UPF2: variants seen among roughly 807,000 people sequenced by gnomAD.
UPF2 encodes the protein UPF2 regulator of nonsense mediated mRNA decay, also known as regulator of nonsense transcripts 2.
In UPF2, 17 loss-of-function variants were observed where a neutral mutation model predicts 141.4. The observed-to-expected ratio is 0.12, with a 90% CI of 0.08 to 0.18. UPF2 has a LOEUF of 0.18. Ranked by LOEUF, UPF2 falls within the 10% of genes least tolerant of loss-of-function variation. UPF2 has a pLI of 1.00. For missense variants in UPF2, 1,152 were observed against 1,515.9 expected (o/e 0.76, Z 3.99); for synonymous variants, 540 against 498.0 (o/e 1.08, Z -1.12).
rs562990049 is a variant in UPF2 at position 11,932,086 on chromosome 10, T to TTGCA, written c.3547-308_3547-305dup. Among the ~76,000 whole-genome samples, 58 of 151,696 alleles carry TTGCA rather than the reference T, an allele frequency of 3.8e-4. 1 individual carries two copies. Among genetic ancestry groups the TTGCA allele is most frequent in the African/African-American group, 1.3e-3 (55 of 41,370 alleles). ...ACTGCTTGAACCCAGGAAGCGGAGG[T>TTGCA]TGCAGTGAGCCGAGATTGTGCCACT... is the stretch of plus-strand genomic sequence containing the variant. On this transcript the variant is annotated intron_variant, in intron 19 of 21. Coordinates refer to ENST00000357604, the MANE Select transcript of UPF2 (RefSeq NM_015542.4).
At chr10:12,008,207 T>G (rs1480032338) in intron 4 of UPF2, among the ~76,000 whole-genome samples, 1 of 152,024 alleles carries the variant, frequency 6.6e-6, no homozygotes, top group African/African-American at 2.4e-5. Flanking sequence ...GGTGGGGGTA[T>G]AAAAGATTCA....
intron 20 of UPF2, among the ~76,000 whole-genome samples, chr10:11,930,281 G>A (rs1188851982): frequency 3.9e-5 from 6 of 152,198 alleles, no homozygotes; most frequent in African/African-American, 1.2e-4. Context: ...TAAGAGCATC[G>A]TGTGTAGAGC....
At position 11,955,507 on chromosome 10, in the gene UPF2, C is replaced by T; in HGVS notation, c.2575G>A (p.Val859Ile). The change falls in exon 14 of 22, where the codon GTT becomes ATT. Residue 859 changes from valine (V) to isoleucine (I), a missense_variant and splice_region_variant. Physicochemically the swap from Val to Ile is conservative, Grantham distance 29. Around this residue, in one of 4 missense-constraint regions of UPF2, gnomAD observed 739 missense variants for 1,032.2 expected, o/e 0.72. Coordinates refer to ENST00000357604, the MANE Select transcript of UPF2 (RefSeq NM_015542.4). Reference sequence around the variant, plus strand: ...CTCTGATTAAATTTAGGTTGATTAACCTAAAAGGCAACAAAACCACAGATT... The same window carrying T: ...CTCTGATTAAATTTAGGTTGATTAATCTAAAAGGCAACAAAACCACAGATT... The part of the protein sequence containing the change: ...VLEDIRLGME[V>I]NQPKFNQRRI... 1 of 1,601,398 alleles carries T rather than the reference C, an allele frequency of 6.2e-7. No individual in the cohort carries two copies. Among genetic ancestry groups the T allele is most frequent in the Non-Finnish European group, 8.5e-7 (1 of 1,174,018 alleles).
Position 11,959,467 on chromosome 10 carries a change from G to T in UPF2, c.2185-111C>A. ...CTATTTCAAAGTAATGGGTTAGAAA[G>T]GCAAAGAAAGGACTGGGCACTGTGG... is the stretch of plus-strand genomic sequence containing the variant. On this transcript the variant is annotated intron_variant, in intron 11 of 21. Transcript: ENST00000357604. This position sits in a 1 kb window ranked among gnomAD's most constrained non-coding sequence, Gnocchi z 5.9. 1 of 1,174,772 alleles carries T rather than the reference G, an allele frequency of 8.5e-7. No individual in the cohort carries two copies. The highest frequency in any genetic ancestry group is 1.2e-6 in the Non-Finnish European group (1 of 868,500). 72.8% of individuals were successfully genotyped at this position (1,174,772 alleles called of 1,614,324 possible).
At chr10:12,032,683 A>C (rs934144158) in intron 2 of UPF2, among the ~76,000 whole-genome samples, 95 of 151,114 alleles carry the variant, frequency 6.3e-4, no homozygotes, top group African/African-American at 2.2e-3. Flanking sequence ...GATCGCAGTG[A>C]GCCAAGACCA....
At chr10:11,970,723 A>G (rs892377583) in intron 9 of UPF2, among the ~76,000 whole-genome samples, 3 of 152,140 alleles carry the variant, frequency 2.0e-5, no homozygotes, top group African/African-American at 7.2e-5. Context: ...GAGGCACAAG[A>G]ATTGCTTCAA....
chr10:12,010,980 G>GA (rs935805324), intron 4 of UPF2, among the ~76,000 whole-genome samples: 3 of 151,388 alleles, frequency 2.0e-5, no homozygotes, highest in Non-Finnish European at 3.0e-5. Flanking sequence ...TTCTATGTCT[G>GA]AAAAAAAAAT....
At chr10:11,977,323 G>A (rs1833521065) in intron 9 of UPF2, among the ~76,000 whole-genome samples, 1 of 152,148 alleles carries the variant, frequency 6.6e-6, no homozygotes, top group Admixed American at 6.5e-5. Context: ...TATAGATCCT[G>A]GAGGAAGTAG....
intron 3 of UPF2, among the ~76,000 whole-genome samples, chr10:12,024,588 C>T (rs1834377792): frequency 6.6e-6 from 1 of 151,896 alleles, no homozygotes; most frequent in Non-Finnish European, 1.5e-5. Flanking sequence ...CCAGCCTGGG[C>T]AACACAGGGA....
At chr10:11,951,251 T>G (rs1833071147) in intron 15 of UPF2, among the ~76,000 whole-genome samples, 1 of 152,028 alleles carries the variant, frequency 6.6e-6, no homozygotes. Context: ...TTAGTAGAGA[T>G]GGGGTTTTGC....
At position 11,990,375 on chromosome 10, in the gene UPF2, A is replaced by G. The variant is rs145693682; in HGVS notation, c.1844+7297T>C. Among the ~76,000 whole-genome samples, 353 of 152,342 alleles carry G rather than the reference A, an allele frequency of 2.3e-3. 9 individuals carry two copies. Among genetic ancestry groups the G allele is most frequent in the Admixed American group, 0.021 (317 of 15,304 alleles). On this transcript the variant is annotated intron_variant, in intron 8 of 21. Transcript: ENST00000357604. The stretch of plus-strand genomic sequence containing the variant: ...ATGAGGAAATGCAATGCCCATGCAG[A>G]ACAGGGAAACGGCCCCCAAAGCAAC...
intron 9 of UPF2, among the ~76,000 whole-genome samples, chr10:11,974,925 T>C (rs1833481355): frequency 6.6e-6 from 1 of 152,152 alleles, no homozygotes; most frequent in Non-Finnish European, 1.5e-5. Context: ...TTTGTATGGT[T>C]TATAATGCAC....
chr10:12,037,248 G>A (rs1309422276), intron 1 of UPF2, among the ~76,000 whole-genome samples: 3 of 151,852 alleles, frequency 2.0e-5, no homozygotes, highest in African/African-American at 4.8e-5. Flanking sequence ...CCACATCCAG[G>A]TAATTGTATT....
intron 18 of UPF2, 33 bp downstream of exon 18, chr10:11,942,632 A>G: frequency 6.3e-7 from 1 of 1,589,888 alleles, no homozygotes; most frequent in Non-Finnish European, 8.6e-7. Flanking sequence ...TTTTGTATTG[A>G]GAAGAGTCTT....
intron 21 of UPF2, among the ~76,000 whole-genome samples, chr10:11,922,818 T>C (rs889828210): frequency 2.0e-5 from 3 of 151,998 alleles, no homozygotes; most frequent in African/African-American, 4.8e-5. Context: ...CTACTTAAGA[T>C]AGGTTTACAA....
intron 10 of UPF2, among the ~76,000 whole-genome samples, chr10:11,964,539 CCCT>C (rs1833289980): frequency 6.6e-6 from 1 of 151,710 alleles, no homozygotes; most frequent in African/African-American, 2.4e-5. Flanking sequence ...TTAGTATTTA[CCCT>C]CCTAATCATT....
intron 9 of UPF2, among the ~76,000 whole-genome samples, chr10:11,972,557 G>A (rs373007356): frequency 2.0e-5 from 3 of 152,146 alleles, no homozygotes; most frequent in East Asian, 1.9e-4. Flanking sequence ...GACAGGCCCC[G>A]GTGCGTGATG....
chr10:12,039,679 G>A (rs890887240), intron 1 of UPF2, among the ~76,000 whole-genome samples: 1 of 149,708 alleles, frequency 6.7e-6, no homozygotes, highest in African/African-American at 2.5e-5. Context: ...GGAGTGCAGT[G>A]GCACGATCTC....
At position 11,935,392 on chromosome 10, in the gene UPF2, A is replaced by G. The variant is rs1003162550; in HGVS notation, c.3546+1153T>C. Among the ~76,000 whole-genome samples the G allele has an allele frequency of 6.6e-6, 1 of 152,194 alleles. No homozygotes were observed. The highest frequency in any genetic ancestry group is 2.4e-5 in the African/African-American group (1 of 41,446). The stretch of plus-strand genomic sequence containing the variant: ...AAATACTTGTTAAATGACTGTGTAG[A>G]CGAATGTGGTATTGGACTTGTCTAA... On this transcript the variant is annotated intron_variant, in intron 19 of 21. Transcript: ENST00000357604. This position sits in a 1 kb window ranked among gnomAD's most constrained non-coding sequence, Gnocchi z 4.9.
Sources: allele counts gnomAD v4.1 joint callset (sites outside exome capture counted in the v4.1 genomes callset), GRCh38; gene constraint gnomAD v4.1.1; regional missense constraint gnomAD v4.1.1; non-coding constraint Gnocchi (gnomAD v3.1); transcripts MANE v1.5; gene names NCBI Gene and HGNC (gene_info 2026-07-23, HGNC 2026-07-21).